INTS4: variants seen among roughly 807,000 people sequenced by gnomAD.
INTS4 encodes integrator complex subunit 4.
A neutral mutation model predicts 119.5 loss-of-function variants in INTS4; 70 were observed. That is an observed-to-expected ratio of 0.59 (90% CI 0.48 to 0.71). The LOEUF (loss-of-function observed/expected upper bound fraction) is 0.71. Ranked by LOEUF, INTS4 falls within the 30% of genes least tolerant of loss-of-function variation. The pLI, the probability that INTS4 is intolerant of heterozygous loss-of-function variation, is 0.00. For missense variants in INTS4, 867 were observed against 1,173.2 expected, an observed-to-expected ratio of 0.74 and a Z score of 3.81; for synonymous variants, 316 against 419.6, an observed-to-expected ratio of 0.75 and a Z score of 3.02.
intron 15 of INTS4, chr11:77,917,918 T>C: frequency 1.7e-6 from 1 of 604,114 alleles, no homozygotes; most frequent in Non-Finnish European, 3.0e-6. Context: ...CCTCGCTCCT[T>C]GAAGTGAGAG....
At chr11:77,917,178 G>A (rs923838426) in intron 15 of INTS4, among the ~76,000 whole-genome samples, 1 of 152,096 alleles carries the variant, frequency 6.6e-6, no homozygotes, top group African/African-American at 2.4e-5. Flanking sequence ...CTAGCACAGA[G>A]CTTGTTTCTT....
chr11:77,956,028 G>T lies in INTS4; in HGVS notation c.832C>A (p.Arg278Ser). The T allele has an allele frequency of 6.2e-7, 1 of 1,604,640 alleles. No homozygotes were observed. The highest frequency in any genetic ancestry group is 8.5e-7 in the Non-Finnish European group (1 of 1,177,678). ...TTGCCAAACGCATCATCAACTAAGC[G>T]TATTTCTTCATTAGAAGAAGGAATT... is the stretch of plus-strand genomic sequence containing the variant. The part of the protein sequence containing the change: ...VPIPSSNEEI[R>S]LVDDAFGKIC... The change falls in exon 8 of 23, where the codon CGC (arginine) becomes AGC (serine). Residue 278 changes from arginine (R) to serine (S), a missense_variant. By Grantham distance (110) the Arg-to-Ser change is moderately radical. Transcript: ENST00000534064.
chr11:77,941,458 C>CTTTTTTTTTTTTTTTTTTTTTTTTTTT (rs35544689), intron 8 of INTS4, among the ~76,000 whole-genome samples: 1 of 138,456 alleles, frequency 7.2e-6, no homozygotes, highest in Non-Finnish European at 1.5e-5. Context: ...ACCTACTGTG[C>CTTTTTTTTTTTTTTTTTTTTTTTTTTT]TTTTTTTTTT....
intron 8 of INTS4, among the ~76,000 whole-genome samples, chr11:77,952,518 ATGTG>A (rs905026097): frequency 6.6e-6 from 1 of 152,214 alleles, no homozygotes; most frequent in African/African-American, 2.4e-5. Context: ...GTGTGTATTT[ATGTG>A]TGTATGTATG....
At chr11:77,975,975 C>T (rs979474205) in intron 4 of INTS4, among the ~76,000 whole-genome samples, 7 of 149,512 alleles carry the variant, frequency 4.7e-5, no homozygotes. Context: ...AAAGGAACCT[C>T]CACAAACGAT....
intron 2 of INTS4, among the ~76,000 whole-genome samples, chr11:77,983,890 A>G (rs1442920978): frequency 6.6e-6 from 1 of 152,218 alleles, no homozygotes; most frequent in East Asian, 1.9e-4. Flanking sequence ...GTATATACTC[A>G]AAAAAATTTA....
chr11:77,957,454 G>T (rs1396755412), intron 7 of INTS4, among the ~76,000 whole-genome samples: 4 of 151,334 alleles, frequency 2.6e-5, no homozygotes, highest in African/African-American at 9.7e-5. Context: ...GGAGGCTCAG[G>T]CATGAGAATT....
At chr11:77,989,616 G>C (rs1441048598) in intron 2 of INTS4, among the ~76,000 whole-genome samples, 1 of 151,966 alleles carries the variant, frequency 6.6e-6, no homozygotes, top group Non-Finnish European at 1.5e-5. Context: ...GGGGCTGAGT[G>C]TGGTGGTTCA....
At chr11:77,980,753 G>A (rs1415862559) in intron 3 of INTS4, among the ~76,000 whole-genome samples, 1 of 152,146 alleles carries the variant, frequency 6.6e-6, no homozygotes, top group African/African-American at 2.4e-5. Flanking sequence ...CACTTTGGGA[G>A]GCTGAAGTGG....
intron 3 of INTS4, among the ~76,000 whole-genome samples, chr11:77,979,891 T>C (rs1203012290): frequency 6.8e-6 from 1 of 146,666 alleles, no homozygotes; most frequent in African/African-American, 2.5e-5. Context: ...GGCAGGAGAA[T>C]CGCTTGAACC....
At chr11:77,886,532 AC>A (rs1356228162) in intron 21 of INTS4, among the ~76,000 whole-genome samples, 1 of 152,222 alleles carries the variant, frequency 6.6e-6, no homozygotes, top group Non-Finnish European at 1.5e-5. Flanking sequence ...GGCGGGAGTA[AC>A]TATGACTCTC....
chr11:77,963,526 C>A, intron 4 of INTS4: 1 of 389,424 alleles, frequency 2.6e-6, no homozygotes, highest in Admixed American at 3.9e-5. Flanking sequence ...GTAAGGAAAC[C>A]ACATCCCCAA....
intron 4 of INTS4, among the ~76,000 whole-genome samples, chr11:77,972,054 A>G (rs1403488517): frequency 2.0e-5 from 3 of 152,204 alleles, no homozygotes; most frequent in African/African-American, 7.2e-5. Flanking sequence ...TGGCATCCAT[A>G]TAGAAAATCA....
intron 10 of INTS4, among the ~76,000 whole-genome samples, chr11:77,938,048 T>C (rs1953843670): frequency 1.3e-5 from 2 of 151,908 alleles, no homozygotes; most frequent in South Asian, 2.1e-4. Flanking sequence ...GGTTTCACCA[T>C]GTTAACCAGG....
chr11:77,982,297 G>A (rs994763864), intron 2 of INTS4, among the ~76,000 whole-genome samples: 20 of 151,958 alleles, frequency 1.3e-4, no homozygotes, highest in African/African-American at 4.6e-4. Flanking sequence ...TACCACACCT[G>A]GCTACTTTTT....
intron 16 of INTS4, among the ~76,000 whole-genome samples, chr11:77,905,542 C>T (rs1952923645): frequency 6.6e-6 from 1 of 151,892 alleles, no homozygotes; most frequent in Admixed American, 6.6e-5. Flanking sequence ...CATGAAAGTG[C>T]ATCATCACAA....
chr11:77,889,623 A>C (rs1397766752), intron 21 of INTS4, among the ~76,000 whole-genome samples: 2 of 152,218 alleles, frequency 1.3e-5, no homozygotes, highest in East Asian at 3.8e-4. Context: ...ACAGTATTTT[A>C]ATGGGGAATG....
chr11:77,932,779 A>G (rs1953684461), intron 10 of INTS4, among the ~76,000 whole-genome samples: 3 of 152,196 alleles, frequency 2.0e-5, no homozygotes. Context: ...GCAGCCATAA[A>G]AAAGGATGAG....
intron 21 of INTS4, among the ~76,000 whole-genome samples, chr11:77,885,166 C>T (rs1188334812): frequency 1.3e-5 from 2 of 152,106 alleles, no homozygotes; most frequent in East Asian, 1.9e-4. Context: ...CAACCTCCGC[C>T]TCCCGGGTTA....
Sources: allele counts gnomAD v4.1 joint callset (sites outside exome capture counted in the v4.1 genomes callset), GRCh38; gene constraint gnomAD v4.1.1; transcripts MANE v1.5; gene names NCBI Gene and HGNC (gene_info 2026-07-23, HGNC 2026-07-21).